Variants in PCSK2 observed in about 807,000 individuals in gnomAD.
PCSK2 encodes the protein neuroendocrine convertase 2.
PCSK2 carries 14 observed loss-of-function variants against 69.7 expected under a neutral mutation model. The observed-to-expected ratio is 0.20, with a 90% CI of 0.13 to 0.31. The LOEUF (loss-of-function observed/expected upper bound fraction) is 0.31. Among genes scored for constraint, PCSK2 ranks in the 10% least tolerant of loss-of-function variants. The pLI is 1.00. For missense variants in PCSK2, 544 were observed against 842.5 expected (o/e 0.65, Z 4.39); for synonymous variants, 307 against 320.7 (o/e 0.96, Z 0.46).
intron 2 of PCSK2, among the ~76,000 whole-genome samples, chr20:17,293,125 C>A (rs1988753688): frequency 6.6e-6 from 1 of 152,104 alleles, no homozygotes; most frequent in Non-Finnish European, 1.5e-5. Context: ...ACACTCGGCC[C>A]TTATTACATT....
intron 5 of PCSK2, among the ~76,000 whole-genome samples, chr20:17,389,259 C>G (rs1330564094): frequency 6.6e-6 from 1 of 152,096 alleles, no homozygotes; most frequent in African/African-American, 2.4e-5. Flanking sequence ...AGGTTGGGCA[C>G]AGCACACCCT....
intron 8 of PCSK2, among the ~76,000 whole-genome samples, chr20:17,438,179 T>C (rs2032524723): frequency 6.6e-6 from 1 of 152,234 alleles, no homozygotes; most frequent in African/African-American, 2.4e-5. Flanking sequence ...TCTTAGATTT[T>C]GGTAAATTTC....
chr20:17,292,607 T>C (rs567109891), intron 2 of PCSK2, among the ~76,000 whole-genome samples: 1 of 152,316 alleles, frequency 6.6e-6, no homozygotes, highest in South Asian at 2.1e-4. Flanking sequence ...TTAAGCTTAT[T>C]GATTATTAGG....
At chr20:17,336,455 A>G (rs1027899354) in intron 2 of PCSK2, among the ~76,000 whole-genome samples, 2 of 152,320 alleles carry the variant, frequency 1.3e-5, no homozygotes, top group Admixed American at 6.5e-5. Context: ...AATGTCACTG[A>G]ATGATGGGAG....
At chr20:17,363,600 G>A (rs1273979668) in intron 4 of PCSK2, among the ~76,000 whole-genome samples, 1 of 152,136 alleles carries the variant, frequency 6.6e-6, no homozygotes, top group Non-Finnish European at 1.5e-5. Flanking sequence ...AGTAATTCAG[G>A]GCAGATGGCT....
intron 5 of PCSK2, among the ~76,000 whole-genome samples, chr20:17,373,874 G>A (rs973559990): frequency 6.6e-6 from 1 of 152,198 alleles, no homozygotes; most frequent in African/African-American, 2.4e-5. Context: ...CCTGCTGAGT[G>A]TTGGGAGTAA....
At chr20:17,410,908 G>C (rs538673366) in intron 6 of PCSK2, among the ~76,000 whole-genome samples, 1 of 152,298 alleles carries the variant, frequency 6.6e-6, no homozygotes, top group Non-Finnish European at 1.5e-5. Flanking sequence ...AAGTGCAGTG[G>C]CAACATATCC....
intron 2 of PCSK2, among the ~76,000 whole-genome samples, chr20:17,302,923 C>T (rs1425311135): frequency 6.6e-6 from 1 of 152,040 alleles, no homozygotes; most frequent in Non-Finnish European, 1.5e-5. Context: ...TTTAATATTA[C>T]CCTTTTGTAT....
At position 17,279,978 on chromosome 20, in the gene PCSK2, C is replaced by T. The variant is rs1247765131; in HGVS notation, c.282+19634C>T. Among the ~76,000 whole-genome samples the T allele has an allele frequency of 4.1e-5, 6 of 145,062 alleles. No homozygotes were observed. In the East Asian group the frequency reaches 1.3e-3, roughly 32 times the overall value. On this transcript the variant is annotated intron_variant, in intron 2 of 11. Transcript: ENST00000262545. Reference sequence around the variant, plus strand: ...TGCATTTTTATGCTAAACATCCAAACAAATGTAGAAGACAAAAAAAAAAAA... The same window carrying T: ...TGCATTTTTATGCTAAACATCCAAATAAATGTAGAAGACAAAAAAAAAAAA...
At chr20:17,346,939 T>C (rs767627811) in intron 2 of PCSK2, among the ~76,000 whole-genome samples, 8 of 152,114 alleles carry the variant, frequency 5.3e-5, no homozygotes, top group Non-Finnish European at 7.4e-5. Flanking sequence ...CTTTGATCCC[T>C]CCCTAATTAC....
chr20:17,386,120 T>C (rs1053856466), intron 5 of PCSK2, among the ~76,000 whole-genome samples: 1 of 152,216 alleles, frequency 6.6e-6, no homozygotes. Context: ...CACACATCCC[T>C]ATTTGTAAAA....
intron 7 of PCSK2, among the ~76,000 whole-genome samples, chr20:17,435,925 T>C (rs1600578032): frequency 6.6e-6 from 1 of 152,208 alleles, no homozygotes; most frequent in Non-Finnish European, 1.5e-5. Flanking sequence ...GCACCAGCTC[T>C]GCGGGGGCAG....
chr20:17,275,532 C>T (rs1251963216), intron 2 of PCSK2, among the ~76,000 whole-genome samples: 1 of 152,090 alleles, frequency 6.6e-6, no homozygotes, highest in Non-Finnish European at 1.5e-5. Flanking sequence ...TACTATTGTT[C>T]ATAGAGATTC....
chr20:17,328,949 T>A (rs987410932), intron 2 of PCSK2, among the ~76,000 whole-genome samples: 31 of 152,212 alleles, frequency 2.0e-4, no homozygotes, highest in African/African-American at 7.0e-4. Flanking sequence ...CTGTGGGTGA[T>A]CTTCCCTCCC....
chr20:17,315,955 C>A (rs1452478479), intron 2 of PCSK2, among the ~76,000 whole-genome samples: 1 of 152,234 alleles, frequency 6.6e-6, no homozygotes, highest in Non-Finnish European at 1.5e-5. Context: ...AACTGTCCGG[C>A]CTTGCTGGCA....
In PCSK2 at chr20:17,227,464, C is replaced by T. The variant is rs752064526; in HGVS notation, c.159C>T (p.His53=). The T allele has an allele frequency of 1.2e-6, 2 of 1,613,830 alleles. No individual in the cohort carries two copies. Among genetic ancestry groups the T allele is most frequent in the Non-Finnish European group, 1.7e-6 (2 of 1,179,862 alleles). The change falls in exon 1 of 12, where the codon CAC becomes CAT. Residue 53 remains histidine, a synonymous_variant. Coordinates refer to ENST00000262545, the MANE Select transcript of PCSK2 (RefSeq NM_002594.5). ...EDKARQVAAE[H]GFGVRKLPFA... is the part of the protein sequence containing the mutation. ...AAGCTCGCCAAGTTGCAGCAGAACA[C>T]GGCTTTGGAGTCCGAAAGGTAAGCT...
At chr20:17,297,872 C>T (rs1367310436) in intron 2 of PCSK2, among the ~76,000 whole-genome samples, 1 of 152,140 alleles carries the variant, frequency 6.6e-6, no homozygotes, top group Admixed American at 6.5e-5. Context: ...TTTAAAATAA[C>T]ATACAATTGG....
chr20:17,437,783 G>C (rs574849518), intron 8 of PCSK2, among the ~76,000 whole-genome samples: 1 of 152,208 alleles, frequency 6.6e-6, no homozygotes, highest in Non-Finnish European at 1.5e-5. Context: ...AATTTGGACC[G>C]GGCACACTGG....
At chr20:17,241,641 G>A (rs1020484442) in intron 1 of PCSK2, among the ~76,000 whole-genome samples, 2 of 152,208 alleles carry the variant, frequency 1.3e-5, no homozygotes, top group Non-Finnish European at 2.9e-5. Context: ...TGGCATCAGT[G>A]ATACTAATGG....
Sources: gnomAD v4.1 joint callset for allele counts (sites outside exome capture counted in the v4.1 genomes callset) on GRCh38, gnomAD v4.1.1 for gene constraint, MANE v1.5 for transcripts, NCBI Gene and HGNC (gene_info 2026-07-23, HGNC 2026-07-21) for gene names.